MECR: variants seen among roughly 807,000 people sequenced by gnomAD.
MECR encodes mitochondrial trans-2-enoyl-CoA reductase, also known as enoyl-[acyl-carrier-protein] reductase, mitochondrial.
A neutral mutation model predicts 49.1 loss-of-function variants in MECR; 37 were observed. The ratio of observed to expected loss-of-function variants is 0.75; its 90% confidence interval spans 0.58 to 0.99. The LOEUF (loss-of-function observed/expected upper bound fraction) is 0.99. Ranked by LOEUF, MECR falls within the 50% of genes least tolerant of loss-of-function variation. The pLI, the probability that MECR is intolerant of heterozygous loss-of-function variation, is 0.00. For synonymous variants in MECR, 198 were observed against 191.1 expected, an observed-to-expected ratio of 1.04 and a Z score of -0.30; for missense variants, 470 against 479.6, an observed-to-expected ratio of 0.98 and a Z score of 0.19.
chr1:29,171,366 G>C, the MECR span: 2 of 149,486 alleles, frequency 1.3e-5, no homozygotes, highest in Non-Finnish European at 3.0e-5. Context: ...AGGACTAAAG[G>C]AAATAGCATG....
the MECR span, chr1:29,170,636 G>A: frequency 1.6e-4 from 24 of 152,082 alleles, no homozygotes; most frequent in African/African-American, 5.8e-4. Context: ...GTATTTTAAT[G>A]AATTTTTCAA....
chr1:29,205,087 G>A (rs1676257835), intron 4 of MECR, among the ~76,000 whole-genome samples: 1 of 152,254 alleles, frequency 6.6e-6, no homozygotes, highest in South Asian at 2.1e-4. Flanking sequence ...AGCCCAGGAG[G>A]TTAATGCCCT....
chr1:29,182,995 C>CT, the MECR span, among the ~76,000 whole-genome samples: 1 of 152,242 alleles, frequency 6.6e-6, no homozygotes, highest in African/African-American at 2.4e-5. Flanking sequence ...TCCCTTCTCA[C>CT]TAACGCCATG....
chr1:29,202,986 G>GT, intron 5 of MECR, 145 bp downstream of exon 5: 1 of 614,110 alleles, frequency 1.6e-6, no homozygotes, highest in Non-Finnish European at 2.8e-6. Flanking sequence ...TGACTCATCT[G>GT]TTTCAGCCGC....
At chr1:29,227,992 C>T (rs1470979243) in intron 1 of MECR, among the ~76,000 whole-genome samples, 1 of 152,058 alleles carries the variant, frequency 6.6e-6, no homozygotes, top group African/African-American at 2.4e-5. Context: ...ACCTGGAGAG[C>T]TTTGAAAAAA....
chr1:29,197,417 C>T (rs569115837), intron 7 of MECR, among the ~76,000 whole-genome samples: 2 of 152,342 alleles, frequency 1.3e-5, no homozygotes, highest in African/African-American at 2.4e-5. Flanking sequence ...GGTGCCTTCT[C>T]AGTACCTGCT....
At chr1:29,205,506 G>A (rs866577243) in intron 4 of MECR, among the ~76,000 whole-genome samples, 1 of 151,654 alleles carries the variant, frequency 6.6e-6, no homozygotes, top group South Asian at 2.1e-4. Flanking sequence ...TCTGCAGTGG[G>A]TTCTGAGAGT....
At chr1:29,211,360 C>T (rs568699181) in intron 3 of MECR, among the ~76,000 whole-genome samples, 6 of 152,368 alleles carry the variant, frequency 3.9e-5, no homozygotes, top group South Asian at 2.1e-4. Flanking sequence ...GCCACCATGC[C>T]TGGTCCTGTA....
chr1:29,184,319 CAT>C, the MECR span, among the ~76,000 whole-genome samples: 1 of 151,742 alleles, frequency 6.6e-6, no homozygotes, highest in African/African-American at 2.4e-5. Flanking sequence ...GGATTACAGG[CAT>C]GTGCCACCAC....
chr1:29,176,955 C>T, the MECR span, among the ~76,000 whole-genome samples: 1 of 152,102 alleles, frequency 6.6e-6, no homozygotes, highest in East Asian at 1.9e-4. Context: ...TTTCAATGAT[C>T]TGGGGGTTTA....
At chr1:29,181,833 G>A in the MECR span, 69 of 1,162,234 alleles carry the variant, frequency 5.9e-5, no homozygotes, top group East Asian at 5.4e-4. Context: ...CGGCGGCAGC[G>A]GCGGCGGCGG....
At chr1:29,177,734 T>C in the MECR span, among the ~76,000 whole-genome samples, 1 of 152,106 alleles carries the variant, frequency 6.6e-6, no homozygotes, top group African/African-American at 2.4e-5. Context: ...GCAATCTACA[T>C]TAGCGATGCC....
chr1:29,227,716 T>G (rs1272056100), intron 1 of MECR, among the ~76,000 whole-genome samples: 2 of 152,164 alleles, frequency 1.3e-5, no homozygotes, highest in Non-Finnish European at 2.9e-5. Flanking sequence ...CTACCTGGTG[T>G]AACCTGACCC....
At chr1:29,194,612 T>C (rs1261746358) in intron 9 of MECR, among the ~76,000 whole-genome samples, 1 of 152,116 alleles carries the variant, frequency 6.6e-6, no homozygotes, top group Non-Finnish European at 1.5e-5. Context: ...GCTCAGGAAA[T>C]GGAGCTCTCC....
intron 4 of MECR, among the ~76,000 whole-genome samples, chr1:29,205,202 T>C (rs1013722514): frequency 3.9e-5 from 6 of 152,060 alleles, no homozygotes; most frequent in African/African-American, 1.4e-4. Flanking sequence ...GTTTTGTTTT[T>C]GAGATGGTGT....
chr1:29,172,989 T>TA, the MECR span: 3 of 151,984 alleles, frequency 2.0e-5, no homozygotes, highest in Non-Finnish European at 2.9e-5. Flanking sequence ...ATAAATTAAG[T>TA]AAAAAAAGCG....
intron 1 of MECR, among the ~76,000 whole-genome samples, chr1:29,225,315 G>A (rs1008920815): frequency 2.6e-5 from 4 of 152,082 alleles, no homozygotes; most frequent in Non-Finnish European, 2.9e-5. Flanking sequence ...GCACATGCAG[G>A]TTCCTCTGCT....
intron 3 of MECR, among the ~76,000 whole-genome samples, chr1:29,207,648 G>A (rs1318964041): frequency 6.6e-6 from 1 of 151,994 alleles, no homozygotes; most frequent in Admixed American, 6.6e-5. Context: ...GCTGAAGTGG[G>A]AAGATTGCTT....
chr1:29,217,166 G>C (rs1015433153), intron 1 of MECR, among the ~76,000 whole-genome samples: 2 of 144,524 alleles, frequency 1.4e-5, no homozygotes, highest in Non-Finnish European at 3.0e-5. Context: ...AATCAACATA[G>C]GATAGAGGTT....
Sources: allele counts gnomAD v4.1 joint callset (sites outside exome capture counted in the v4.1 genomes callset), GRCh38; gene constraint gnomAD v4.1.1; transcripts MANE v1.5; gene names NCBI Gene and HGNC (gene_info 2026-07-23, HGNC 2026-07-21).